Variants in LPAR1 observed in about 807,000 individuals in gnomAD.
LPAR1 encodes lysophosphatidic acid receptor 1.
LPAR1 carries 5 observed loss-of-function variants against 23.8 expected under a neutral mutation model. The ratio of observed to expected loss-of-function variants is 0.21; its 90% confidence interval spans 0.11 to 0.44. LPAR1 has a LOEUF of 0.44. Ranked by LOEUF, LPAR1 falls within the 20% of genes least tolerant of loss-of-function variation. The pLI, the probability that LPAR1 is intolerant of heterozygous loss-of-function variation, is 0.99. For missense variants in LPAR1, 311 were observed against 482.8 expected, an observed-to-expected ratio of 0.64 and a Z score of 3.33; for synonymous variants, 160 against 164.7, an observed-to-expected ratio of 0.97 and a Z score of 0.22.
Position 110,947,761 on chromosome 9 carries a change from C to G in LPAR1, c.46-5593G>C, listed in dbSNP as rs1454976465. The stretch of plus-strand genomic sequence containing the variant: ...CCATCTCTTGAAAGACAATTACATA[C>G]TCATTGGCCAAGAGGAAGAAGGAAC... On this transcript the variant is annotated intron_variant, in intron 4 of 5. Transcript: ENST00000683809. 2.6e-5 allele frequency among the ~76,000 whole-genome samples: 4 copies of G among 152,296 alleles called. No homozygotes were observed. The East Asian group carries it at 7.7e-4, about 29-fold the overall frequency.
At chr9:110,882,102 G>A (rs2081033543) in intron 5 of LPAR1, among the ~76,000 whole-genome samples, 1 of 152,100 alleles carries the variant, frequency 6.6e-6, no homozygotes, top group Non-Finnish European at 1.5e-5. Context: ...CAGAGCAACA[G>A]CCCACCACCA....
At chr9:110,947,107 ATT>A (rs2095410183) in intron 4 of LPAR1, among the ~76,000 whole-genome samples, 1 of 152,176 alleles carries the variant, frequency 6.6e-6, no homozygotes, top group Non-Finnish European at 1.5e-5. Context: ...TAGAATGACA[ATT>A]TTGTAAAATT....
At chr9:110,988,838 A>T (rs1213038114) in intron 2 of LPAR1, among the ~76,000 whole-genome samples, 6 of 152,212 alleles carry the variant, frequency 3.9e-5, no homozygotes, top group Non-Finnish European at 8.8e-5. Context: ...CTCCAAGAAT[A>T]TTCATAGAAG....
At chr9:111,013,334 A>G (rs1323364383) in intron 2 of LPAR1, among the ~76,000 whole-genome samples, 2 of 152,210 alleles carry the variant, frequency 1.3e-5, no homozygotes, top group Non-Finnish European at 2.9e-5. Flanking sequence ...TTAAACACCA[A>G]ACCCAAAATG....
intron 2 of LPAR1, among the ~76,000 whole-genome samples, chr9:111,021,951 G>A (rs183144033): frequency 0.01 from 1,270 of 124,354 alleles, 24 homozygotes; most frequent in African/African-American, 0.038. Flanking sequence ...GTGACAGAGC[G>A]AGACTCCGTC....
At chr9:111,003,356 G>A (rs1339799775) in intron 2 of LPAR1, among the ~76,000 whole-genome samples, 1 of 152,122 alleles carries the variant, frequency 6.6e-6, no homozygotes, top group Non-Finnish European at 1.5e-5. Flanking sequence ...GTCAACACAT[G>A]CACCCTCGCA....
chr9:111,008,075 A>G (rs142689648), intron 2 of LPAR1, among the ~76,000 whole-genome samples: 1 of 152,050 alleles, frequency 6.6e-6, no homozygotes, highest in East Asian at 1.9e-4. Context: ...TCGGTAGGCT[A>G]AGACAGGAGA....
chr9:110,901,401 T>G (rs2088922609), intron 5 of LPAR1, among the ~76,000 whole-genome samples: 1 of 152,194 alleles, frequency 6.6e-6, no homozygotes, highest in Admixed American at 6.5e-5. Context: ...GTTCTCATGC[T>G]GCTAATAAAG....
At chr9:110,984,236 C>A (rs1329214123) in intron 2 of LPAR1, among the ~76,000 whole-genome samples, 2 of 151,754 alleles carry the variant, frequency 1.3e-5, no homozygotes, top group Non-Finnish European at 2.9e-5. Flanking sequence ...ACCCATTAAC[C>A]AACCCACCTT....
At chr9:110,901,815 G>A (rs527922948) in intron 5 of LPAR1, among the ~76,000 whole-genome samples, 1 of 152,236 alleles carries the variant, frequency 6.6e-6, no homozygotes, top group Admixed American at 6.5e-5. Flanking sequence ...ATGAAAGGTA[G>A]AAAAATAGAG....
chr9:110,882,289 C>G (rs900133444), intron 5 of LPAR1, among the ~76,000 whole-genome samples: 1 of 152,178 alleles, frequency 6.6e-6, no homozygotes, highest in African/African-American at 2.4e-5. Flanking sequence ...GTCTGTATCT[C>G]TGGAATCTAG....
chr9:110,879,362 G>A (rs2080047539), intron 5 of LPAR1, among the ~76,000 whole-genome samples: 1 of 134,262 alleles, frequency 7.4e-6, no homozygotes. Context: ...AGGTTGCAGT[G>A]AGCCAAGCTC....
intron 2 of LPAR1, among the ~76,000 whole-genome samples, chr9:110,981,950 C>T (rs545602512): frequency 2.0e-5 from 3 of 152,184 alleles, no homozygotes; most frequent in South Asian, 2.1e-4. Flanking sequence ...TTTAGAATGG[C>T]GAGCATTAAA....
chr9:111,002,276 T>C (rs951207814), intron 2 of LPAR1, among the ~76,000 whole-genome samples: 1 of 152,230 alleles, frequency 6.6e-6, no homozygotes, highest in African/African-American at 2.4e-5. Flanking sequence ...ATAATAAAAC[T>C]GTTTAATTTA....
Position 110,875,730 on chromosome 9 carries a change from G to GT in LPAR1, c.794-9_794-8insA. On this transcript the variant is annotated splice_polypyrimidine_tract_variant and intron_variant, in intron 5 of 5. Transcript: ENST00000683809. ...AGCAGATGATAAAGGCCCCTACAAG[G>GT]ACAAGGATAGGGATCAGAAGGATTT... 1 of 1,539,880 alleles carries GT rather than the reference G, an allele frequency of 6.5e-7. No homozygotes were observed. Among genetic ancestry groups the GT allele is most frequent in the Non-Finnish European group, 8.8e-7 (1 of 1,133,588 alleles).
Sources: allele counts gnomAD v4.1 joint callset (sites outside exome capture counted in the v4.1 genomes callset), GRCh38; gene constraint gnomAD v4.1.1; transcripts MANE v1.5; gene names NCBI Gene and HGNC (gene_info 2026-07-23, HGNC 2026-07-21).